The following ENTPD1 variants were observed in gnomAD, a reference collection of about 807,000 sequenced individuals.
ENTPD1 encodes ATP diphosphohydrolase.
ENTPD1 carries 33 observed loss-of-function variants against 57.0 expected under a neutral mutation model. That is an observed-to-expected ratio of 0.58 (90% CI 0.44 to 0.77). ENTPD1 has a LOEUF of 0.77. ENTPD1 is among the 30% of genes least tolerant of loss of function. ENTPD1 has a pLI of 0.00. For missense variants in ENTPD1, 501 were observed against 603.4 expected, an observed-to-expected ratio of 0.83 and a Z score of 1.78; for synonymous variants, 202 against 218.8, an observed-to-expected ratio of 0.92 and a Z score of 0.68.
chr10:95,787,016 T>TA (rs1340148452), intron 1 of ENTPD1, among the ~76,000 whole-genome samples: 1 of 152,220 alleles, frequency 6.6e-6, no homozygotes, highest in Non-Finnish European at 1.5e-5. Context: ...AAAGGTGACT[T>TA]ACTCAAGATC....
chr10:95,871,268 ATG>A lies in ENTPD1; in HGVS notation c.*4889_*4890del, dbSNP rs1303794046. 1 of 984,778 alleles carries A rather than the reference ATG, an allele frequency of 1.0e-6. No homozygotes were observed. Among genetic ancestry groups the A allele is most frequent in the Non-Finnish European group, 1.2e-6 (1 of 829,298 alleles). 61.0% of individuals were successfully genotyped at this position (984,778 alleles called of 1,614,324 possible). ...AATGTCTTATTAACTGAAATATAAA[ATG>A]TGTTTACTGTAAAATATAATCTGTT... On this transcript the variant is annotated 3_prime_UTR_variant, in exon 10 of 10. Transcript: ENST00000371205.
intron 1 of ENTPD1, among the ~76,000 whole-genome samples, chr10:95,795,893 T>A (rs2098224264): frequency 6.6e-6 from 1 of 152,216 alleles, no homozygotes; most frequent in South Asian, 2.1e-4. Context: ...TTGAGTCTAC[T>A]ATTCTTGGAA....
chr10:95,792,385 A>G (rs2098208449), intron 1 of ENTPD1, among the ~76,000 whole-genome samples: 1 of 152,250 alleles, frequency 6.6e-6, no homozygotes, highest in African/African-American at 2.4e-5. Context: ...AAGTGTTCCA[A>G]TGAGTTGACC....
chr10:95,806,279 G>T (rs570459464), intron 1 of ENTPD1, among the ~76,000 whole-genome samples: 1 of 151,874 alleles, frequency 6.6e-6, no homozygotes, highest in East Asian at 1.9e-4. Context: ...CCACTTGATC[G>T]AATCGGCTAA....
At chr10:95,842,687 T>C (rs1039765080) in intron 4 of ENTPD1, among the ~76,000 whole-genome samples, 193 bp downstream of exon 4, 20 of 143,322 alleles carry the variant, frequency 1.4e-4, no homozygotes, top group Middle Eastern at 3.2e-3. Context: ...TAGGATTTTA[T>C]GTATGTTAAA....
chr10:95,806,521 G>T (rs1418957351), intron 1 of ENTPD1, among the ~76,000 whole-genome samples: 2 of 152,194 alleles, frequency 1.3e-5, no homozygotes, highest in South Asian at 4.1e-4. Flanking sequence ...ATCCAGCTTT[G>T]TTCCATTGCT....
At chr10:95,858,087 G>A (rs892255340) in intron 7 of ENTPD1, among the ~76,000 whole-genome samples, 2 of 151,226 alleles carry the variant, frequency 1.3e-5, no homozygotes, top group Admixed American at 6.6e-5. Flanking sequence ...GAACCCGGAC[G>A]CAGAGCTTGC....
chr10:95,866,950 A>G lies in ENTPD1; in HGVS notation c.*567A>G. On this transcript the variant is annotated 3_prime_UTR_variant, in exon 10 of 10. Transcript: ENST00000371205. Reference sequence around the variant, plus strand: ...TAAAGCCAAAGAGTTTTATAAGGAAATATATGTGCTCATGCAGTCAATACA... The same window carrying G: ...TAAAGCCAAAGAGTTTTATAAGGAAGTATATGTGCTCATGCAGTCAATACA... 9.9e-7 allele frequency: 1 copy of G among 1,011,636 alleles called. No individual in the cohort carries two copies. The highest frequency in any genetic ancestry group is 1.2e-6 in the Non-Finnish European group (1 of 844,752). The allele number at this position is 1,011,636 out of a possible 1,614,324, so 62.7% of individuals were successfully genotyped here.
At chr10:95,759,755 A>T (rs899861774) in intron 1 of ENTPD1, among the ~76,000 whole-genome samples, 16 of 152,246 alleles carry the variant, frequency 1.1e-4, no homozygotes, top group African/African-American at 2.7e-4. Flanking sequence ...AAGTGCTAAT[A>T]ATAATAGCTA....
intron 1 of ENTPD1, among the ~76,000 whole-genome samples, chr10:95,819,740 A>G (rs993137628): frequency 2.6e-5 from 4 of 152,138 alleles, no homozygotes; most frequent in Non-Finnish European, 5.9e-5. Flanking sequence ...TTGTCACATC[A>G]CATGAAAAGA....
intron 4 of ENTPD1, chr10:95,843,258 A>C (rs1015981467): frequency 1.3e-5 from 2 of 152,260 alleles, no homozygotes; most frequent in African/African-American, 2.4e-5. Context: ...AACAGGACAA[A>C]GTCTCTGACT....
At chr10:95,837,182 A>G (rs911930309) in intron 2 of ENTPD1, among the ~76,000 whole-genome samples, 3 of 152,240 alleles carry the variant, frequency 2.0e-5, no homozygotes, top group African/African-American at 7.2e-5. Context: ...CTCTATGGGA[A>G]GAATGACTTT....
intron 1 of ENTPD1, among the ~76,000 whole-genome samples, chr10:95,745,099 G>T (rs1381538934): frequency 6.6e-6 from 1 of 152,134 alleles, no homozygotes; most frequent in African/African-American, 2.4e-5. Flanking sequence ...TGACCTTAAA[G>T]AAATTATAGC....
At position 95,872,165 on chromosome 10, in the gene ENTPD1, A is replaced by G. The variant is rs2098481256; in HGVS notation, c.*5782A>G. 1.0e-6 allele frequency: 1 copy of G among 985,356 alleles called. No individual in the cohort carries two copies. The highest frequency in any genetic ancestry group is 4.7e-5 in the South Asian group (1 of 21,292). The allele number at this position is 985,356 out of a possible 1,614,324, so 61.0% of individuals were successfully genotyped here. A position where few individuals can be genotyped will look rare whatever the true frequency, so the allele number is the denominator to read the frequency against. On this transcript the variant is annotated 3_prime_UTR_variant, in exon 10 of 10. Coordinates refer to ENST00000371205, the MANE Select transcript of ENTPD1 (RefSeq NM_001776.6). Reference sequence around the variant, plus strand: ...TATTTTACCTGGACTGATACCAGGAATGGTGGTGTTGCTTCCAATCTGTTG... The same window carrying G: ...TATTTTACCTGGACTGATACCAGGAGTGGTGGTGTTGCTTCCAATCTGTTG...
chr10:95,790,197 T>G (rs1175047386), intron 1 of ENTPD1, among the ~76,000 whole-genome samples: 2 of 152,244 alleles, frequency 1.3e-5, no homozygotes, highest in African/African-American at 2.4e-5. Flanking sequence ...ATGGGGATCT[T>G]GCAAACTTAC....
intron 1 of ENTPD1, among the ~76,000 whole-genome samples, chr10:95,772,579 A>G (rs927907226): frequency 6.6e-6 from 1 of 152,178 alleles, no homozygotes; most frequent in Non-Finnish European, 1.5e-5. Context: ...AGGCTCCACT[A>G]CTAATTCTAG....
At chr10:95,837,212 T>C (rs2098412043) in intron 2 of ENTPD1, among the ~76,000 whole-genome samples, 1 of 152,208 alleles carries the variant, frequency 6.6e-6, no homozygotes, top group African/African-American at 2.4e-5. Flanking sequence ...AATGTTAGAA[T>C]AAAATCTGAT....
chr10:95,776,282 G>C (rs190233078), intron 1 of ENTPD1, among the ~76,000 whole-genome samples: 1 of 152,214 alleles, frequency 6.6e-6, no homozygotes, highest in Admixed American at 6.5e-5. Flanking sequence ...GCTACCGGTT[G>C]TTCCTTTCCA....
In ENTPD1 at chr10:95,876,240, T is replaced by C. The variant is rs141612910; in HGVS notation, c.*9857T>C. On this transcript the variant is annotated 3_prime_UTR_variant, in exon 10 of 10. Transcript: ENST00000371205. ...AATGTAAAGAAACACATAATGTAGA[T>C]TGCTAATTTTATAATAACACAAGTT... The C allele has an allele frequency of 3.6e-5, 35 of 977,214 alleles. No individual in the cohort carries two copies. The African/African-American group carries it at 5.4e-4, about 15-fold the overall frequency. The allele number at this position is 977,214 out of a possible 1,614,324, so 60.5% of individuals were successfully genotyped here. A position where few individuals can be genotyped will look rare whatever the true frequency, so the allele number is the denominator to read the frequency against.
Sources: gnomAD v4.1 joint callset for allele counts (sites outside exome capture counted in the v4.1 genomes callset) on GRCh38, gnomAD v4.1.1 for gene constraint, MANE v1.5 for transcripts, NCBI Gene and HGNC (gene_info 2026-07-23, HGNC 2026-07-21) for gene names.